The following HS3ST1 variants were observed in gnomAD, a reference collection of about 807,000 sequenced individuals.
The protein encoded by HS3ST1 is heparan sulfate glucosamine 3-O-sulfotransferase 1.
A neutral mutation model predicts 20.7 loss-of-function variants in HS3ST1; 8 were observed. The observed-to-expected ratio is 0.39, with a 90% confidence interval of 0.23 to 0.70. The LOEUF is 0.70. Ranked by LOEUF, HS3ST1 falls within the 30% of genes least tolerant of loss-of-function variation. HS3ST1 has a pLI of 0.46. For synonymous variants in HS3ST1, 205 were observed against 190.4 expected, an observed-to-expected ratio of 1.08 and a Z score of -0.63; for missense variants, 436 against 423.4, an observed-to-expected ratio of 1.03 and a Z score of -0.26.
upstream of HS3ST1, among the ~76,000 whole-genome samples, chr4:11,432,518 G>A (rs1435154565): frequency 6.6e-6 from 1 of 152,176 alleles, no homozygotes; most frequent in Admixed American, 6.5e-5. Context: ...GTTTAATTGT[G>A]CATTGCACAT....
rs570976366 is a variant in HS3ST1, at chr4:11,399,392, C to T, written c.614G>A (p.Arg205His). Reference protein sequence around the residue: ...LYHVHMQNWLRFFPLRHIHIV... With the variant: ...LYHVHMQNWLHFFPLRHIHIV... ...GTGGATGTGGCGCAGCGGGAAAAAG[C>T]GCAGCCAGTTCTGCATGTGCACGTG... is the stretch of plus-strand genomic sequence containing the variant. Residue 205 changes from arginine (R) to histidine (H), a missense_variant, in exon 2 of 2, where the codon CGC (arginine) becomes CAC (histidine). Arg to His is a conservative substitution (Grantham distance 29). Transcript: ENST00000002596. This position sits in a 1 kb window ranked among gnomAD's most constrained non-coding sequence, Gnocchi z 5.1. The T allele has an allele frequency of 6.8e-6, 11 of 1,613,982 alleles. No individual in the cohort carries two copies. The African/African-American group carries it at 1.2e-4, about 18-fold the overall frequency.
intron 1 of HS3ST1, among the ~76,000 whole-genome samples, chr4:11,402,579 A>ATGTG (rs148223992): frequency 6.6e-6 from 1 of 151,590 alleles, no homozygotes; most frequent in Non-Finnish European, 1.5e-5. Context: ...GTATGCATGC[A>ATGTG]TGTGTGTGTG....
intron 1 of HS3ST1, among the ~76,000 whole-genome samples, chr4:11,415,740 C>T (rs1260307675): frequency 6.6e-6 from 1 of 152,180 alleles, no homozygotes; most frequent in Non-Finnish European, 1.5e-5. Context: ...GACAACTTAT[C>T]ATAAGATAAT....
chr4:11,412,819 A>G (rs1718672803), intron 1 of HS3ST1, among the ~76,000 whole-genome samples: 1 of 152,226 alleles, frequency 6.6e-6, no homozygotes, highest in Admixed American at 6.5e-5. Context: ...TTATACTCCT[A>G]CGGACTGAAT....
At chr4:11,433,875 C>A (rs545747708), upstream of HS3ST1, among the ~76,000 whole-genome samples, 1 of 152,162 alleles carries the variant, frequency 6.6e-6, no homozygotes, top group African/African-American at 2.4e-5. Context: ...TCTCATGAGT[C>A]CCTAGTTCCA....
chr4:11,413,646 T>C (rs1718693213), intron 1 of HS3ST1, among the ~76,000 whole-genome samples: 2 of 151,920 alleles, frequency 1.3e-5, no homozygotes, highest in African/African-American at 4.8e-5. Context: ...ATGCAGGGTA[T>C]AGGGTGTGGA....
rs1718166983 is a variant in HS3ST1, at chr4:11,397,182, T to C, written c.*1900A>G. The stretch of plus-strand genomic sequence containing the variant: ...GGGAGGCTCTCTGCCTATTGAAAAG[T>C]ACCATGTCCACCAGGGGCCTGCTGT... On this transcript the variant is annotated 3_prime_UTR_variant, in exon 2 of 2. Coordinates refer to ENST00000002596, the MANE Select transcript of HS3ST1 (RefSeq NM_005114.4). 6.6e-6 allele frequency: 1 copy of C among 152,252 alleles called. No individual in the cohort carries two copies. Among genetic ancestry groups the C allele is most frequent in the Admixed American group, 6.5e-5 (1 of 15,278 alleles). The allele number at this position is 152,252 out of a possible 1,614,324, so 9.4% of individuals were successfully genotyped here.
upstream of HS3ST1, chr4:11,429,380 C>G (rs927372057): frequency 6.6e-6 from 1 of 152,476 alleles, no homozygotes; most frequent in Admixed American, 6.5e-5. Context: ...GCTCCTCCCA[C>G]GTGAGTCTGC....
At chr4:11,408,158 A>G (rs545482700) in intron 1 of HS3ST1, among the ~76,000 whole-genome samples, 2 of 152,312 alleles carry the variant, frequency 1.3e-5, no homozygotes, top group South Asian at 4.1e-4. Flanking sequence ...CCCAGTCTCA[A>G]ATCTTAGCTC....
rs1318782018 is a variant in HS3ST1, at chr4:11,393,559, A to G, written c.*5523T>C. The G allele has an allele frequency of 1.3e-5, 2 of 152,228 alleles. No homozygotes were observed. Among genetic ancestry groups the G allele is most frequent in the Non-Finnish European group, 2.9e-5 (2 of 68,044 alleles). The allele number at this position is 152,228 out of a possible 1,614,324, so 9.4% of individuals were successfully genotyped here. The stretch of plus-strand genomic sequence containing the variant: ...AGGGGGGATTCCTGTTTTCTTGGGA[A>G]ACACATTTACTGAGAATAGGGTAGC... On this transcript the variant is annotated 3_prime_UTR_variant, in exon 2 of 2. Transcript: ENST00000002596.
intron 1 of HS3ST1, among the ~76,000 whole-genome samples, chr4:11,404,260 G>T (rs1337600867): frequency 6.6e-6 from 1 of 152,170 alleles, no homozygotes; most frequent in East Asian, 1.9e-4. Context: ...ATGTTGGTCA[G>T]ACTGGTCTCG....
At chr4:11,418,943 G>T (rs956922978) in intron 1 of HS3ST1, among the ~76,000 whole-genome samples, 4 of 152,088 alleles carry the variant, frequency 2.6e-5, no homozygotes, top group Admixed American at 2.6e-4. Flanking sequence ...AGATCATGAG[G>T]TGTTGTGTTG....
At chr4:11,417,377 G>T (rs1019839028) in intron 1 of HS3ST1, among the ~76,000 whole-genome samples, 1 of 152,132 alleles carries the variant, frequency 6.6e-6, no homozygotes, top group African/African-American at 2.4e-5. Flanking sequence ...ACAGATTTTG[G>T]TGGGGGCGGC....
rs151321952 is a variant in HS3ST1, at chr4:11,414,588, C to T, written c.-109+14111G>A. ...CGTATTTACTTCCCCAACCAGCTAGCGTGAACACTCAGGCCTGGCTTTGTA... is the reference window on the plus strand; with the variant it reads ...CGTATTTACTTCCCCAACCAGCTAGTGTGAACACTCAGGCCTGGCTTTGTA... On this transcript the variant is annotated intron_variant, in intron 1 of 1. Coordinates refer to ENST00000002596, the MANE Select transcript of HS3ST1 (RefSeq NM_005114.4). Among the ~76,000 whole-genome samples the T allele has an allele frequency of 1.1e-4, 16 of 152,258 alleles. No homozygotes were observed. The East Asian group carries it at 1.9e-3, about 18-fold the overall frequency.
intron 1 of HS3ST1, among the ~76,000 whole-genome samples, chr4:11,415,979 G>C (rs1392888439): frequency 6.6e-6 from 1 of 152,180 alleles, no homozygotes; most frequent in Non-Finnish European, 1.5e-5. Flanking sequence ...GGCTGCTCCA[G>C]TACGCCTGGA....
chr4:11,401,736 C>T (rs1161172361), intron 1 of HS3ST1, among the ~76,000 whole-genome samples: 1 of 152,232 alleles, frequency 6.6e-6, no homozygotes, highest in Admixed American at 6.5e-5. Context: ...AAACTCTAAA[C>T]TCAGTGTTCT....
chr4:11,409,644 A>G (rs893738735), intron 1 of HS3ST1, among the ~76,000 whole-genome samples: 5 of 152,234 alleles, frequency 3.3e-5, no homozygotes, highest in Admixed American at 6.5e-5. Flanking sequence ...TGAGAAATAA[A>G]TATCTATTGT....
At position 11,396,743 on chromosome 4, in the gene HS3ST1, C is replaced by G. The variant is rs145493849; in HGVS notation, c.*2339G>C. 82 of 152,398 alleles carry G rather than the reference C, an allele frequency of 5.4e-4. No individual in the cohort carries two copies. Among genetic ancestry groups the G allele is most frequent in the African/African-American group, 1.8e-3 (74 of 41,562 alleles). 9.4% of individuals were successfully genotyped at this position (152,398 alleles called of 1,614,324 possible). A position where few individuals can be genotyped will look rare whatever the true frequency, so the allele number is the denominator to read the frequency against. ...TGCCACTAGGACCTCTGATCCCTTG[C>G]TCATGGTAGACTCATTTGAACATTC... On this transcript the variant is annotated 3_prime_UTR_variant, in exon 2 of 2. Transcript: ENST00000002596.
intron 1 of HS3ST1, among the ~76,000 whole-genome samples, chr4:11,426,371 C>CCA (rs1553858488): frequency 6.6e-6 from 1 of 151,464 alleles, no homozygotes; most frequent in African/African-American, 2.4e-5. Flanking sequence ...AGGCCCCCCC[C>CCA]CCAACCCTCA....
Sources: gnomAD v4.1 joint callset for allele counts (sites outside exome capture counted in the v4.1 genomes callset) on GRCh38, gnomAD v4.1.1 for gene constraint, Gnocchi (gnomAD v3.1) non-coding constraint, MANE v1.5 for transcripts, NCBI Gene and HGNC (gene_info 2026-07-23, HGNC 2026-07-21) for gene names.